SV2C: variants seen among roughly 807,000 people sequenced by gnomAD.
SV2C encodes the protein solute carrier family 22 member B3.
SV2C carries 49 observed loss-of-function variants against 79.7 expected under a neutral mutation model. The ratio of observed to expected loss-of-function variants is 0.61; its 90% CI spans 0.49 to 0.78. The LOEUF is 0.78. Ranked by LOEUF, SV2C falls within the 30% of genes least tolerant of loss-of-function variation. The probability of loss-of-function intolerance (pLI) is 0.00; values close to 1 mark genes in which losing one functional copy is unlikely to be tolerated. For synonymous variants in SV2C, 334 were observed against 333.2 expected (o/e 1.00, Z -0.03); for missense variants, 833 against 912.9 (o/e 0.91, Z 1.13).
intron 2 of SV2C, among the ~76,000 whole-genome samples, chr5:76,169,779 G>T (rs986052080): frequency 1.3e-5 from 2 of 152,156 alleles, no homozygotes; most frequent in African/African-American, 4.8e-5. Flanking sequence ...GGCAGCCCTC[G>T]AGGAATTAGC....
At chr5:75,897,319 T>G in the SV2C span, among the ~76,000 whole-genome samples, 1 of 152,002 alleles carries the variant, frequency 6.6e-6, no homozygotes, top group East Asian at 1.9e-4. Context: ...ATTTATTAAA[T>G]AGGGAATCCT....
In SV2C at chr5:76,155,374, A is replaced by T. The variant is rs530099961; in HGVS notation, c.580+23044A>T. 2.6e-4 allele frequency among the ~76,000 whole-genome samples: 39 copies of T among 152,286 alleles called. No individual in the cohort carries two copies. In the South Asian group the frequency reaches 5.6e-3, roughly 22 times the overall value. ...CTGTAGTATTTGAAGCAAGACCTCC[A>T]CTTTTCTTCCCCCACTCCAAACTCA... is the stretch of plus-strand genomic sequence containing the variant. On this transcript the variant is annotated intron_variant, in intron 2 of 12. Transcript: ENST00000502798.
chr5:76,189,512 ATTAG>A (rs1344056356), intron 2 of SV2C, among the ~76,000 whole-genome samples: 1 of 152,176 alleles, frequency 6.6e-6, no homozygotes, highest in Admixed American at 6.5e-5. Flanking sequence ...AGGTCTGGTA[ATTAG>A]TTGGTTAGTA....
the SV2C span, among the ~76,000 whole-genome samples, chr5:76,047,121 C>G: frequency 6.6e-6 from 1 of 152,036 alleles, no homozygotes; most frequent in Non-Finnish European, 1.5e-5. Context: ...TAATGTACAT[C>G]CAGAGAAGTA....
the SV2C span, among the ~76,000 whole-genome samples, chr5:75,849,561 G>A: frequency 6.6e-6 from 1 of 152,098 alleles, no homozygotes; most frequent in Non-Finnish European, 1.5e-5. Context: ...AAAATACTTG[G>A]CCTAGATTTT....
chr5:75,934,356 G>A, the SV2C span, among the ~76,000 whole-genome samples: 6 of 134,356 alleles, frequency 4.5e-5, no homozygotes, highest in East Asian at 2.3e-4. Flanking sequence ...GCGCGATCTC[G>A]GCTCCCTGCA....
Position 76,139,789 on chromosome 5 carries a change from G to A in SV2C, c.580+7459G>A, listed in dbSNP as rs550036399. On this transcript the variant is annotated intron_variant, in intron 2 of 12. Coordinates refer to ENST00000502798, the MANE Select transcript of SV2C (RefSeq NM_014979.4). ...ACCAATAATATCAAAGCATTAAAAAGACAATACTTTTACATATAACTGGAA... is the reference window on the plus strand; with the variant it reads ...ACCAATAATATCAAAGCATTAAAAAAACAATACTTTTACATATAACTGGAA... Among the ~76,000 whole-genome samples, 21 of 151,154 alleles carry A rather than the reference G, an allele frequency of 1.4e-4. No individual in the cohort carries two copies. The South Asian group carries it at 4.4e-3, about 32-fold the overall frequency.
chr5:76,012,442 T>A, the SV2C span, among the ~76,000 whole-genome samples: 2 of 152,228 alleles, frequency 1.3e-5, no homozygotes, highest in Non-Finnish European at 2.9e-5. Context: ...CTTCGCCCAC[T>A]TTTCGATGGG....
intron 12 of SV2C, among the ~76,000 whole-genome samples, chr5:76,314,881 G>T (rs1476487350): frequency 6.6e-6 from 1 of 152,178 alleles, no homozygotes; most frequent in African/African-American, 2.4e-5. Context: ...ACTCCAAGGG[G>T]TGCTCAGTCA....
the SV2C span, among the ~76,000 whole-genome samples, chr5:76,026,690 G>A: frequency 6.6e-6 from 1 of 152,176 alleles, no homozygotes; most frequent in Non-Finnish European, 1.5e-5. Context: ...GAGTCGGAGT[G>A]GGGTGAATAA....
At chr5:76,287,872 G>A (rs1234625761) in intron 6 of SV2C, among the ~76,000 whole-genome samples, 2 of 152,166 alleles carry the variant, frequency 1.3e-5, no homozygotes, top group Non-Finnish European at 2.9e-5. Context: ...GGATTACAAG[G>A]TCAGGAGATC....
the SV2C span, among the ~76,000 whole-genome samples, chr5:75,864,631 C>A: frequency 1.3e-5 from 2 of 152,214 alleles, no homozygotes; most frequent in Non-Finnish European, 2.9e-5. Context: ...GGGCTACATC[C>A]ATGACCCTAC....
the SV2C span, among the ~76,000 whole-genome samples, chr5:75,919,793 C>T: frequency 6.6e-6 from 1 of 152,222 alleles, no homozygotes; most frequent in African/African-American, 2.4e-5. Context: ...TTTTGGACAG[C>T]AAGCATTTGA....
At chr5:76,255,694 C>T (rs1179836285) in intron 4 of SV2C, among the ~76,000 whole-genome samples, 2 of 152,208 alleles carry the variant, frequency 1.3e-5, no homozygotes, top group African/African-American at 4.8e-5. Flanking sequence ...AAGCCCCTCA[C>T]CTGGTGAAAT....
intron 2 of SV2C, among the ~76,000 whole-genome samples, chr5:76,173,188 C>T (rs1324450889): frequency 2.7e-5 from 4 of 148,518 alleles, no homozygotes; most frequent in Non-Finnish European, 6.0e-5. Flanking sequence ...ATCAAAGAAG[C>T]GAAGTTATCT....
the SV2C span, among the ~76,000 whole-genome samples, chr5:75,997,336 A>G: frequency 6.6e-6 from 1 of 152,206 alleles, no homozygotes; most frequent in Non-Finnish European, 1.5e-5. Flanking sequence ...CAAAATTGAC[A>G]AATGGGATCT....
intron 2 of SV2C, among the ~76,000 whole-genome samples, chr5:76,184,667 G>T (rs2112307579): frequency 6.6e-6 from 1 of 152,266 alleles, no homozygotes; most frequent in South Asian, 2.1e-4. Context: ...GATCTCATGA[G>T]AACTCACTGA....
chr5:75,985,223 G>T, the SV2C span, among the ~76,000 whole-genome samples: 1 of 151,914 alleles, frequency 6.6e-6, no homozygotes, highest in South Asian at 2.1e-4. Context: ...CTCTCAGCAG[G>T]ATCTAACCCA....
At chr5:75,895,246 T>A in the SV2C span, among the ~76,000 whole-genome samples, 6 of 151,986 alleles carry the variant, frequency 3.9e-5, 1 homozygote, top group African/African-American at 1.4e-4. Flanking sequence ...CAACAAAAAA[T>A]TATATAACAT....
Sources: allele counts gnomAD v4.1 joint callset (sites outside exome capture counted in the v4.1 genomes callset), GRCh38; gene constraint gnomAD v4.1.1; transcripts MANE v1.5; gene names NCBI Gene and HGNC (gene_info 2026-07-23, HGNC 2026-07-21).